COL9A3: variants seen among roughly 807,000 people sequenced by gnomAD.
The protein encoded by COL9A3 is collagen type IX alpha 3 chain.
Under a neutral mutation model 110.2 loss-of-function variants are expected in COL9A3, and 82 were observed. The observed-to-expected ratio is 0.74, with a 90% CI of 0.62 to 0.89. The LOEUF is 0.89. Ranked by LOEUF, COL9A3 falls within the 40% of genes least tolerant of loss-of-function variation. COL9A3 has a pLI of 0.00. For synonymous variants in COL9A3, 494 were observed against 403.8 expected (o/e 1.22, Z -2.68); for missense variants, 1,066 against 981.3 (o/e 1.09, Z -1.15).
Position 62,840,761 on chromosome 20 carries a change from G to A in COL9A3, c.*29G>A, listed in dbSNP as rs755628751. The A allele has an allele frequency of 1.2e-5, 19 of 1,552,400 alleles. No individual in the cohort carries two copies. In the Admixed American group the frequency reaches 3.7e-4, roughly 30 times the overall value. ...TCAACGTGAGGAAGCAAGTGACAAG[G>A]ACGCCCGAAGCACAGTGGACGGTCA... On this transcript the variant is annotated 3_prime_UTR_variant, in exon 32 of 32. Transcript: ENST00000649368.
In COL9A3 at chr20:62,829,572, C is replaced by G. The variant is rs922172313; in HGVS notation, c.1054-56C>G. The G allele has an allele frequency of 3.7e-5, 60 of 1,608,910 alleles. No individual in the cohort carries two copies. The South Asian group carries it at 6.5e-4, about 17-fold the overall frequency. On this transcript the variant is annotated intron_variant, in intron 20 of 31. Coordinates refer to ENST00000649368, the MANE Select transcript of COL9A3 (RefSeq NM_001853.4). Reference sequence around the variant, plus strand: ...GGGAGGCAAGGGGCTGGGGGGCCAGCGACCTGGCCCCAGTGCAGGTGTAGG... The same window carrying G: ...GGGAGGCAAGGGGCTGGGGGGCCAGGGACCTGGCCCCAGTGCAGGTGTAGG...
chr20:62,828,276 G>A (rs1221982247), intron 17 of COL9A3, among the ~76,000 whole-genome samples: 2 of 152,170 alleles, frequency 1.3e-5, no homozygotes, highest in Non-Finnish European at 2.9e-5. Flanking sequence ...GCACCCATGC[G>A]GGCACCTTCC....
intron 26 of COL9A3, among the ~76,000 whole-genome samples, chr20:62,835,486 C>T (rs2063627944): frequency 6.6e-6 from 1 of 152,182 alleles, no homozygotes; most frequent in Non-Finnish European, 1.5e-5. Context: ...GTGCAGTGGC[C>T]GTTCAATTGC....
At chr20:62,827,665 C>T (rs1233121177) in intron 16 of COL9A3, among the ~76,000 whole-genome samples, 2 of 152,216 alleles carry the variant, frequency 1.3e-5, no homozygotes, top group African/African-American at 4.8e-5. Context: ...GTGACCGTCC[C>T]CAGACTGGTC....
At position 62,830,554 on chromosome 20, in the gene COL9A3, GC is replaced by G; in HGVS notation, c.1258del (p.Gln420ArgfsTer113). The G allele has an allele frequency of 6.2e-7, 1 of 1,607,098 alleles. No homozygotes were observed. Among genetic ancestry groups the G allele is most frequent in the South Asian group, 1.1e-5 (1 of 89,900 alleles). On this transcript the variant is annotated frameshift_variant, in exon 24 of 32. Coordinates refer to ENST00000649368, the MANE Select transcript of COL9A3 (RefSeq NM_001853.4). LOFTEE classifies it high-confidence loss of function. ...KGSMGDPGLPGPQGLRGDVGD... is the reference protein window; with the variant it reads ...KGSMGDPGLPXPQGLRGDVGD... ...AGCATGGGAGACCCCGGCCTTCCAGGCCCCCAGGGCCTCCGAGGTGACGTGG... is the reference window on the plus strand; with the variant it reads ...AGCATGGGAGACCCCGGCCTTCCAGGCCCCAGGGCCTCCGAGGTGACGTGG...
In COL9A3 at chr20:62,834,199, G is replaced by A. The variant is rs990750490; in HGVS notation, c.1368+1135G>A. Among the ~76,000 whole-genome samples, 7 of 151,904 alleles carry A rather than the reference G, an allele frequency of 4.6e-5. No homozygotes were observed. In the East Asian group the frequency reaches 5.8e-4, roughly 13 times the overall value. ...TAATTGTTGTATTTTTAGTAGAGACGGGGTTTCACCATGTCGGCCAGGCTG... is the reference window on the plus strand; with the variant it reads ...TAATTGTTGTATTTTTAGTAGAGACAGGGTTTCACCATGTCGGCCAGGCTG... On this transcript the variant is annotated intron_variant, in intron 26 of 31. Transcript: ENST00000649368.
rs1481425628 is a variant in COL9A3 at position 62,832,176 on chromosome 20, C to G, written c.1310C>G (p.Pro437Arg). 2 of 1,612,806 alleles carry G rather than the reference C, an allele frequency of 1.2e-6. No homozygotes were observed. Among genetic ancestry groups the G allele is most frequent in the African/African-American group, 1.3e-5 (1 of 74,912 alleles). ...CAGGGTCCGGGAGGTGCCGCAGGCC[C>G]TAAGGGAGACCAGGTGAGCTGGGCA... ...GDRGPGGAAG[P>R]KGDQGIAGSD... Residue 437 changes from proline to arginine, a missense_variant, in exon 25 of 32, where the codon CCT becomes CGT. Transcript: ENST00000649368.
Position 62,822,099 on chromosome 20 carries a change from C to T in COL9A3, c.424-12C>T, listed in dbSNP as rs1281271096. The T allele has an allele frequency of 6.6e-6, 10 of 1,517,188 alleles. No individual in the cohort carries two copies. Among genetic ancestry groups the T allele is most frequent in the Non-Finnish European group, 8.2e-6 (9 of 1,092,422 alleles). 94.0% of individuals were successfully genotyped at this position (1,517,188 alleles called of 1,614,324 possible). Reference sequence around the variant, plus strand: ...CTGGTCCCACTCTGTCTAAGTCATACCCCCTCCCCAGGGACCTTCTGGACT... The same window carrying T: ...CTGGTCCCACTCTGTCTAAGTCATATCCCCTCCCCAGGGACCTTCTGGACT... On this transcript the variant is annotated splice_polypyrimidine_tract_variant and intron_variant, in intron 8 of 31. Coordinates refer to ENST00000649368, the MANE Select transcript of COL9A3 (RefSeq NM_001853.4).
intron 5 of COL9A3, among the ~76,000 whole-genome samples, chr20:62,820,563 G>GCCCTTGGGA (rs573887263): frequency 2.3e-3 from 351 of 152,348 alleles, no homozygotes; most frequent in Non-Finnish European, 2.7e-3. Context: ...ACACAGCCCT[G>GCCCTTGGGA]CCCTTGGGAC....
chr20:62,825,798 C>A lies in COL9A3; in HGVS notation c.631-19C>A, dbSNP rs371678889. 5 of 1,551,726 alleles carry A rather than the reference C, an allele frequency of 3.2e-6. No homozygotes were observed. In the African/African-American group the frequency reaches 6.8e-5, roughly 21 times the overall value. Reference sequence around the variant, plus strand: ...AGAGCCAGACTGGGCCGCTGACCACCCTATCCCCTCTGTTTCAGGGTGACC... The same window carrying A: ...AGAGCCAGACTGGGCCGCTGACCACACTATCCCCTCTGTTTCAGGGTGACC... On this transcript the variant is annotated intron_variant, in intron 12 of 31. Transcript: ENST00000649368.
chr20:62,816,570 C>A (rs568279284), upstream of COL9A3, among the ~76,000 whole-genome samples: 1 of 152,280 alleles, frequency 6.6e-6, no homozygotes, highest in East Asian at 1.9e-4. Flanking sequence ...CTGCGCTGGG[C>A]ACTGACCGGG....
chr20:62,822,750 T>A (rs2063521590), intron 10 of COL9A3, 118 bp downstream of exon 10: 2 of 1,113,010 alleles, frequency 1.8e-6, no homozygotes, highest in East Asian at 2.4e-5. Flanking sequence ...GAGCCCTCCC[T>A]GGGGACAGGA....
chr20:62,837,092 C>T lies in COL9A3; in HGVS notation c.1613C>T (p.Ala538Val), dbSNP rs2063642325. ...CCTTGTTTTCCCAAAGAACAAATTG[C>T]ACAGTTAGCCGCGCACCTAAGGAAG... ...LCGGMISEQI[A>V]QLAAHLRKPL... is the part of the protein sequence containing the mutation. Residue 538 changes from alanine (A) to valine (V), a missense_variant, in exon 30 of 32, where the codon GCA (alanine) becomes GTA (valine). By Grantham distance (64) the Ala-to-Val change is moderately conservative (BLOSUM62 0). Coordinates refer to ENST00000649368, the MANE Select transcript of COL9A3 (RefSeq NM_001853.4). The T allele has an allele frequency of 1.2e-6, 2 of 1,613,288 alleles. No individual in the cohort carries two copies. Among genetic ancestry groups the T allele is most frequent in the Non-Finnish European group, 8.5e-7 (1 of 1,180,024 alleles).
intron 10 of COL9A3, among the ~76,000 whole-genome samples, chr20:62,823,847 A>G (rs1220144727): frequency 6.6e-6 from 1 of 152,234 alleles, no homozygotes; most frequent in African/African-American, 2.4e-5. Flanking sequence ...GACTGTGCTG[A>G]ATGGCTGCTT....
At position 62,817,518 on chromosome 20, in the gene COL9A3, C is replaced by A; in HGVS notation, c.79-49C>A. 3.7e-6 allele frequency: 5 copies of A among 1,341,760 alleles called. No individual in the cohort carries two copies. In the South Asian group the frequency reaches 6.3e-5, roughly 17 times the overall value. 83.1% of individuals were successfully genotyped at this position (1,341,760 alleles called of 1,614,324 possible). ...GACCCGGGAGGAGGGGACGCCGGGT[C>A]AGGCCCACGGGGGCACCTGCGCTCC... On this transcript the variant is annotated intron_variant, in intron 1 of 31. Transcript: ENST00000649368.
intron 10 of COL9A3, 83 bp from the exon 11 acceptor site, chr20:62,824,362 G>C: frequency 7.0e-7 from 1 of 1,436,884 alleles, no homozygotes; most frequent in Non-Finnish European, 9.6e-7. Context: ...GTGGCCTCCT[G>C]GGGTCCCGCG....
intron 10 of COL9A3, among the ~76,000 whole-genome samples, chr20:62,823,407 G>A (rs1985835): frequency 0.58 from 87,622 of 152,082 alleles, 25,501 homozygotes; most frequent in African/African-American, 0.62. Context: ...TTGGCCGTCC[G>A]TGGTGGCAGT....
Position 62,817,577 on chromosome 20 carries a change from T to TCCCCGGCCC in COL9A3, c.102_110dup (p.Pro39_Gly41dup). 2.6e-6 allele frequency: 4 copies of TCCCCGGCCC among 1,545,568 alleles called. 1 individual carries two copies. The South Asian group carries it at 3.6e-5, about 14-fold the overall frequency. ...TTTTCTCCGTTTCAGAGAGTGGGAC[T>TCCCCGGCCC]CCCCGGCCCCCCCGGCCCCCCAGGG... On this transcript the variant is annotated inframe_insertion, in exon 2 of 32. Transcript: ENST00000649368.
chr20:62,826,799 CCCAGGAGCGCCTGGGAAA>C lies in COL9A3; in HGVS notation c.772_789del (p.Pro258_Lys263del). The C allele has an allele frequency of 6.2e-7, 1 of 1,612,782 alleles. No homozygotes were observed. Among genetic ancestry groups the C allele is most frequent in the Non-Finnish European group, 8.5e-7 (1 of 1,179,938 alleles). On this transcript the variant is annotated inframe_deletion, in exon 15 of 32. Transcript: ENST00000649368. ...TTGGGTTCCGAGGGCCGCCTGGGATCCCAGGAGCGCCTGGGAAAGCGGTACGTGTGTCAGTGGACGGTG... is the reference window on the plus strand; with the variant it reads ...TTGGGTTCCGAGGGCCGCCTGGGATCGCGGTACGTGTGTCAGTGGACGGTG...
Sources: gnomAD v4.1 joint callset for allele counts (sites outside exome capture counted in the v4.1 genomes callset) on GRCh38, gnomAD v4.1.1 for gene constraint, MANE v1.5 for transcripts, NCBI Gene and HGNC (gene_info 2026-07-23, HGNC 2026-07-21) for gene names.